Variants in PGPEP1L observed in about 807,000 individuals in gnomAD.
The protein encoded by PGPEP1L is pyroglutamyl-peptidase I like, also known as pyroglutamyl-peptidase 1-like protein.
PGPEP1L carries 7 observed loss-of-function variants against 6.0 expected under a neutral mutation model. The observed-to-expected ratio is 1.17, with a 90% CI of 0.66 to 2.19. PGPEP1L has a LOEUF of 2.19. Ranked by LOEUF, PGPEP1L falls within the 30% of genes most tolerant of loss-of-function variation. PGPEP1L has a pLI of 0.00. For missense variants in PGPEP1L, 209 were observed against 192.5 expected, an observed-to-expected ratio of 1.09 and a Z score of -0.51; for synonymous variants, 103 against 83.9, an observed-to-expected ratio of 1.23 and a Z score of -1.24.
In PGPEP1L at chr15:98,995,104, C is replaced by G. The variant is rs533650389; in HGVS notation, c.-142+10325G>C. ...CCTTTCATCACTTCTGGAATATTCT[C>G]AGTCACTATCTCTTTGAATATTGCT... On this transcript the variant is annotated intron_variant, in intron 2 of 4. Transcript: ENST00000535714. Among the ~76,000 whole-genome samples the G allele has an allele frequency of 1.8e-4, 27 of 152,280 alleles. 1 individual carries two copies. The South Asian group carries it at 5.4e-3, about 30-fold the overall frequency.
At chr15:98,981,603 G>T (rs929027928) in intron 2 of PGPEP1L, among the ~76,000 whole-genome samples, 5 of 152,148 alleles carry the variant, frequency 3.3e-5, no homozygotes, top group African/African-American at 1.2e-4. Context: ...TATGAATGTG[G>T]TGTTCTGGCT....
intron 2 of PGPEP1L, among the ~76,000 whole-genome samples, chr15:98,990,473 G>T (rs967197083): frequency 6.6e-6 from 1 of 152,164 alleles, no homozygotes. Context: ...GAAGTTCTTG[G>T]AGACCTACAA....
chr15:98,972,449 T>C (rs1019911763), intron 2 of PGPEP1L, among the ~76,000 whole-genome samples: 5 of 151,426 alleles, frequency 3.3e-5, no homozygotes, highest in Non-Finnish European at 7.4e-5. Context: ...CAAATAAAGA[T>C]AGTAAGAGAG....
chr15:98,983,685 G>A (rs2017702071), intron 2 of PGPEP1L, among the ~76,000 whole-genome samples: 1 of 152,182 alleles, frequency 6.6e-6, no homozygotes, highest in South Asian at 2.1e-4. Context: ...GAAGGGAAGA[G>A]TGCCCGTCCT....
Position 98,971,120 on chromosome 15 carries a change from C to T in PGPEP1L, c.-103G>A. 4 of 1,611,516 alleles carry T rather than the reference C, an allele frequency of 2.5e-6. No homozygotes were observed. Among genetic ancestry groups the T allele is most frequent in the South Asian group, 1.1e-5 (1 of 90,992 alleles). ...CAGGCAGCTCCAGAGTCCGCAGCTG[C>T]ACCACTGTTTCATTCCCCAGGCCCA... On this transcript the variant is annotated 5_prime_UTR_variant, in exon 3 of 5. Coordinates refer to ENST00000535714, the MANE Select transcript of PGPEP1L (RefSeq NM_001167902.2).
At chr15:98,995,568 T>C (rs1315945646) in intron 2 of PGPEP1L, among the ~76,000 whole-genome samples, 2 of 152,100 alleles carry the variant, frequency 1.3e-5, no homozygotes, top group African/African-American at 4.8e-5. Flanking sequence ...CATGGTGGCA[T>C]GCCTGTAATC....
At chr15:99,001,459 G>A (rs1391932783) in intron 2 of PGPEP1L, among the ~76,000 whole-genome samples, 1 of 152,154 alleles carries the variant, frequency 6.6e-6, no homozygotes, top group Non-Finnish European at 1.5e-5. Context: ...TTTCTGGGGT[G>A]CTGAAAATGT....
chr15:98,997,902 T>TAC (rs2017910079), intron 2 of PGPEP1L, among the ~76,000 whole-genome samples: 1 of 152,094 alleles, frequency 6.6e-6, no homozygotes, highest in Non-Finnish European at 1.5e-5. Context: ...CCCCTTTCTT[T>TAC]ACTTCAGAGG....
chr15:99,002,947 A>G (rs1214553272), intron 2 of PGPEP1L, among the ~76,000 whole-genome samples: 1 of 152,186 alleles, frequency 6.6e-6, no homozygotes, highest in Non-Finnish European at 1.5e-5. Context: ...TCAGGCCTTT[A>G]GACTAGGAAC....
At chr15:98,987,165 CA>C (rs57923635) in intron 2 of PGPEP1L, among the ~76,000 whole-genome samples, 940 of 33,350 alleles carry the variant, frequency 0.028, 2 homozygotes, top group Middle Eastern at 0.12. Flanking sequence ...GACTCCATCT[CA>C]AAAAAAAAAA....
intron 2 of PGPEP1L, among the ~76,000 whole-genome samples, chr15:99,000,432 G>A (rs894279657): frequency 4.6e-5 from 7 of 152,364 alleles, no homozygotes; most frequent in South Asian, 2.1e-4. Context: ...TACGGCCCCA[G>A]TGCGGGATCC....
Position 98,989,551 on chromosome 15 carries a change from C to G in PGPEP1L, c.-142+15878G>C, listed in dbSNP as rs1032506151. 2.6e-5 allele frequency among the ~76,000 whole-genome samples: 4 copies of G among 152,302 alleles called. No homozygotes were observed. The South Asian group carries it at 8.3e-4, about 32-fold the overall frequency. On this transcript the variant is annotated intron_variant, in intron 2 of 4. Coordinates refer to ENST00000535714, the MANE Select transcript of PGPEP1L (RefSeq NM_001167902.2). ...GGGAGAATGGAACCAAGTTGGAAAA[C>G]ACTATTCAGGGTATTATCCAGCAGA...
chr15:98,983,639 C>T (rs1045862988), intron 2 of PGPEP1L, among the ~76,000 whole-genome samples: 2 of 152,146 alleles, frequency 1.3e-5, no homozygotes, highest in African/African-American at 4.8e-5. Context: ...AATGATGTAA[C>T]TACTGCACAG....
At chr15:98,976,473 A>G (rs555577417) in intron 2 of PGPEP1L, among the ~76,000 whole-genome samples, 7 of 152,336 alleles carry the variant, frequency 4.6e-5, no homozygotes, top group Admixed American at 3.3e-4. Flanking sequence ...TCATTTTCTC[A>G]TATCACAACA....
intron 2 of PGPEP1L, among the ~76,000 whole-genome samples, chr15:98,987,678 T>G (rs2017766547): frequency 6.6e-6 from 1 of 152,172 alleles, no homozygotes; most frequent in Admixed American, 6.5e-5. Context: ...ACTTCTACTC[T>G]TTAATAGTTA....
chr15:99,000,848 C>G lies in PGPEP1L; in HGVS notation c.-142+4581G>C, dbSNP rs538481401. On this transcript the variant is annotated intron_variant, in intron 2 of 4. Transcript: ENST00000535714. ...CGGGAGCCAACAGTGGCAACCCACT[C>G]GGGTCCCCTTCCACACTGTGGAAGC... is the stretch of plus-strand genomic sequence containing the variant. Among the ~76,000 whole-genome samples, 3 of 152,248 alleles carry G rather than the reference C, an allele frequency of 2.0e-5. No individual in the cohort carries two copies. The East Asian group carries it at 5.8e-4, about 29-fold the overall frequency.
intron 2 of PGPEP1L, among the ~76,000 whole-genome samples, chr15:98,978,726 ATTTTTTTTTT>A (rs57804945): frequency 3.5e-5 from 3 of 85,234 alleles, no homozygotes; most frequent in African/African-American, 1.0e-4. Flanking sequence ...ATATATATAT[ATTTTTTTTTT>A]TTTTTTTTTT....
chr15:98,982,700 C>CTTTTTTTTGTTTTTT (rs2017682979), intron 2 of PGPEP1L, among the ~76,000 whole-genome samples: 1 of 52,458 alleles, frequency 1.9e-5, no homozygotes, highest in Non-Finnish European at 4.2e-5. Flanking sequence ...TTATCTGAGG[C>CTTTTTTTTGTTTTTT]TTTTTTTTTT....
intron 2 of PGPEP1L, among the ~76,000 whole-genome samples, chr15:98,975,030 C>A (rs757622747): frequency 5.9e-5 from 9 of 152,140 alleles, no homozygotes; most frequent in Non-Finnish European, 1.0e-4. Flanking sequence ...ATGTCTTTTG[C>A]AGCATTATTC....
Sources: gnomAD v4.1 joint callset for allele counts (sites outside exome capture counted in the v4.1 genomes callset) on GRCh38, gnomAD v4.1.1 for gene constraint, MANE v1.5 for transcripts, NCBI Gene and HGNC (gene_info 2026-07-23, HGNC 2026-07-21) for gene names.